FAM227A: variants seen among roughly 807,000 people sequenced by gnomAD.
FAM227A encodes the protein protein FAM227A.
In FAM227A, 80 loss-of-function variants were observed where a neutral mutation model predicts 74.7. That is an observed-to-expected ratio of 1.07 (90% confidence interval 0.89 to 1.29). The LOEUF (loss-of-function observed/expected upper bound fraction) is 1.29. FAM227A is among the 50% of genes most tolerant of loss of function. FAM227A has a pLI of 0.00. For missense variants in FAM227A, 654 were observed against 683.4 expected, an observed-to-expected ratio of 0.96 and a Z score of 0.48; for synonymous variants, 237 against 241.8, an observed-to-expected ratio of 0.98 and a Z score of 0.19.
chr22:38,613,607 G>A (rs551005498), intron 11 of FAM227A, among the ~76,000 whole-genome samples: 50 of 150,022 alleles, frequency 3.3e-4, no homozygotes, highest in East Asian at 5.9e-4. Context: ...TGGGTTTCAC[G>A]GATGTTGGGA....
At chr22:38,652,793 C>T (rs974267452) in intron 1 of FAM227A, among the ~76,000 whole-genome samples, 3 of 145,252 alleles carry the variant, frequency 2.1e-5, no homozygotes, top group Non-Finnish European at 4.5e-5. Flanking sequence ...AGGAGAATGG[C>T]GTGAACCTGG....
At chr22:38,608,786 C>G (rs952480314) in intron 11 of FAM227A, among the ~76,000 whole-genome samples, 9 of 145,004 alleles carry the variant, frequency 6.2e-5, no homozygotes, top group African/African-American at 2.4e-4. Context: ...AAATAAGACC[C>G]TTGTTCCTTT....
intron 9 of FAM227A, among the ~76,000 whole-genome samples, chr22:38,625,859 C>T (rs547976494): frequency 6.0e-5 from 9 of 149,848 alleles, no homozygotes; most frequent in Non-Finnish European, 1.3e-4. Context: ...AGGAGAATCA[C>T]TTGAACCTGG....
At chr22:38,604,415 G>A (rs534576617) in intron 13 of FAM227A, among the ~76,000 whole-genome samples, 2 of 152,310 alleles carry the variant, frequency 1.3e-5, no homozygotes, top group African/African-American at 4.8e-5. Flanking sequence ...GCTGGTGCCT[G>A]GGGAAGCTCC....
At chr22:38,625,583 C>T (rs542208036) in intron 9 of FAM227A, among the ~76,000 whole-genome samples, 1 of 152,102 alleles carries the variant, frequency 6.6e-6, no homozygotes, top group African/African-American at 2.4e-5. Context: ...ACTAACAGGG[C>T]TGTGTTGAAA....
intron 1 of FAM227A, chr22:38,653,886 T>G (rs1020031610): frequency 1.3e-5 from 2 of 152,226 alleles, no homozygotes; most frequent in African/African-American, 4.8e-5. Flanking sequence ...TCAAGGGGCT[T>G]ACATCTACTG....
intron 16 of FAM227A, among the ~76,000 whole-genome samples, chr22:38,590,219 G>A (rs1341417461): frequency 6.8e-6 from 1 of 147,882 alleles, no homozygotes; most frequent in Non-Finnish European, 1.5e-5. Flanking sequence ...GGAGGAAGTT[G>A]CAGTGAGCCA....
chr22:38,649,268 T>C (rs887555030), intron 2 of FAM227A, among the ~76,000 whole-genome samples: 2 of 151,960 alleles, frequency 1.3e-5, no homozygotes, highest in African/African-American at 4.8e-5. Context: ...TTTAAGTAAT[T>C]GAAAAAATGT....
intron 11 of FAM227A, among the ~76,000 whole-genome samples, chr22:38,613,118 A>AAT (rs2091462144): frequency 1.1e-5 from 1 of 93,888 alleles, no homozygotes; most frequent in African/African-American, 4.5e-5. Context: ...TATATATATT[A>AAT]TATATAATTA....
intron 15 of FAM227A, 42 bp from the exon 16 acceptor site, chr22:38,591,582 G>A (rs1023849522): frequency 2.2e-6 from 3 of 1,379,690 alleles, no homozygotes; most frequent in Non-Finnish European, 2.9e-6. Context: ...AGGCTGGAGT[G>A]ATTAACATGT....
intron 2 of FAM227A, among the ~76,000 whole-genome samples, chr22:38,646,876 C>T (rs1569241605): frequency 6.6e-6 from 1 of 152,012 alleles, no homozygotes; most frequent in African/African-American, 2.4e-5. Context: ...GCTGGCTGGG[C>T]ACGGTGGCTC....
chr22:38,629,413 C>T (rs1020350843), intron 6 of FAM227A, among the ~76,000 whole-genome samples: 6 of 152,252 alleles, frequency 3.9e-5, no homozygotes, highest in African/African-American at 1.2e-4. Context: ...GGTCTTCACC[C>T]TTGCCCTGGC....
intron 16 of FAM227A, among the ~76,000 whole-genome samples, chr22:38,590,401 G>A (rs1475798366): frequency 6.6e-6 from 1 of 152,076 alleles, no homozygotes; most frequent in African/African-American, 2.4e-5. Context: ...TGGCTTTTTA[G>A]GTCAGGACTA....
chr22:38,579,676 TTCTC>T lies in FAM227A; in HGVS notation c.*6445_*6448del, dbSNP rs1019225993. The T allele has an allele frequency of 6.6e-6, 1 of 152,212 alleles. No individual in the cohort carries two copies. Among genetic ancestry groups the T allele is most frequent in the Non-Finnish European group, 1.5e-5 (1 of 68,040 alleles). 9.4% of individuals were successfully genotyped at this position (152,212 alleles called of 1,614,324 possible). On this transcript the variant is annotated 3_prime_UTR_variant, in exon 17 of 17. Transcript: ENST00000535113. ...TGTTTCACCTATACCTCCATCCACTTTCTCTCTCCCATATTATTTGAGTACAAAT... is the reference window on the plus strand; with the variant it reads ...TGTTTCACCTATACCTCCATCCACTTTCTCCCATATTATTTGAGTACAAAT...
intron 2 of FAM227A, 60 bp from the exon 3 acceptor site, chr22:38,645,705 G>T: frequency 1.8e-6 from 2 of 1,108,032 alleles, no homozygotes; most frequent in Non-Finnish European, 2.7e-6. Context: ...ACAGGATGGG[G>T]CTTGTCTGGT....
intron 8 of FAM227A, among the ~76,000 whole-genome samples, chr22:38,626,811 T>C (rs1234231667): frequency 2.4e-5 from 3 of 124,034 alleles, no homozygotes; most frequent in African/African-American, 9.7e-5. Flanking sequence ...AGGACAGAGG[T>C]TGCAGTGAGC....
chr22:38,613,296 CATAT>C (rs1166826052), intron 11 of FAM227A, among the ~76,000 whole-genome samples: 2 of 56,936 alleles, frequency 3.5e-5, no homozygotes, highest in Non-Finnish European at 6.3e-5. Flanking sequence ...TAATATATAT[CATAT>C]ATAATATATA....
chr22:38,627,461 G>A (rs1241063671), intron 8 of FAM227A, among the ~76,000 whole-genome samples: 5 of 150,784 alleles, frequency 3.3e-5, no homozygotes, highest in African/African-American at 9.8e-5. Flanking sequence ...CCAGCTACTC[G>A]GAAGGCTGAG....
chr22:38,612,014 TCTC>T (rs936579637), intron 11 of FAM227A, among the ~76,000 whole-genome samples: 14 of 151,656 alleles, frequency 9.2e-5, no homozygotes, highest in African/African-American at 1.5e-4. Context: ...TTCCCCCACT[TCTC>T]CTCCCCACTC....
Sources: allele counts gnomAD v4.1 joint callset (sites outside exome capture counted in the v4.1 genomes callset), GRCh38; gene constraint gnomAD v4.1.1; transcripts MANE v1.5; gene names NCBI Gene and HGNC (gene_info 2026-07-23, HGNC 2026-07-21).